ABTB2: variants seen among roughly 807,000 people sequenced by gnomAD.
ABTB2 encodes ankyrin repeat and BTB/POZ domain-containing protein 2.
ABTB2 carries 56 observed loss-of-function variants against 104.1 expected under a neutral mutation model. The ratio of observed to expected loss-of-function variants is 0.54; its 90% CI spans 0.43 to 0.67. The LOEUF is 0.67. ABTB2 is among the 30% of genes least tolerant of loss of function. The probability of loss-of-function intolerance (pLI) is 0.00; values close to 1 mark genes in which losing one functional copy is unlikely to be tolerated. For missense variants in ABTB2, 1,279 were observed against 1,407.7 expected, an observed-to-expected ratio of 0.91 and a Z score of 1.46; for synonymous variants, 606 against 608.2, an observed-to-expected ratio of 1.00 and a Z score of 0.05.
chr11:34,222,954 C>A (rs12420504), intron 1 of ABTB2, among the ~76,000 whole-genome samples: 22,602 of 152,122 alleles, frequency 0.15, 1,831 homozygotes, highest in East Asian at 0.26. Flanking sequence ...CTTCTTGCTG[C>A]CCTGGGCACA....
At chr11:34,209,265 T>C (rs1853446242) in intron 1 of ABTB2, among the ~76,000 whole-genome samples, 3 of 151,832 alleles carry the variant, frequency 2.0e-5, no homozygotes, top group African/African-American at 7.3e-5. Context: ...GGAGAATTAC[T>C]TGAACCTGGT....
intron 1 of ABTB2, among the ~76,000 whole-genome samples, chr11:34,214,664 C>T (rs888416331): frequency 2.6e-5 from 4 of 151,498 alleles, no homozygotes; most frequent in East Asian, 1.9e-4. Context: ...TTCAGCCTCC[C>T]GAAGTGCTGG....
intron 1 of ABTB2, chr11:34,335,416 T>C: frequency 1.3e-6 from 1 of 796,850 alleles, no homozygotes; most frequent in Non-Finnish European, 2.2e-6. Flanking sequence ...AGCACTTCTC[T>C]TTCAGTTTCT....
At chr11:34,282,503 T>C (rs1854458614) in intron 1 of ABTB2, among the ~76,000 whole-genome samples, 1 of 152,166 alleles carries the variant, frequency 6.6e-6, no homozygotes, top group Non-Finnish European at 1.5e-5. Flanking sequence ...GATAGATTGA[T>C]GTAACGTACT....
At chr11:34,254,043 T>A (rs1327760891) in intron 1 of ABTB2, among the ~76,000 whole-genome samples, 1 of 152,190 alleles carries the variant, frequency 6.6e-6, no homozygotes, top group Non-Finnish European at 1.5e-5. Context: ...CACAGCTTAA[T>A]AAGTCATGAC....
At chr11:34,315,103 A>G (rs1590253075) in intron 1 of ABTB2, among the ~76,000 whole-genome samples, 1 of 152,278 alleles carries the variant, frequency 6.6e-6, no homozygotes, top group African/African-American at 2.4e-5. Context: ...AGAGGCCTGC[A>G]CTCGCGCGAG....
chr11:34,210,385 T>C (rs541519329), intron 1 of ABTB2, among the ~76,000 whole-genome samples: 66 of 152,352 alleles, frequency 4.3e-4, no homozygotes, highest in African/African-American at 1.6e-3. Context: ...ACCTTGTTTT[T>C]ACTATTTCCT....
intron 1 of ABTB2, among the ~76,000 whole-genome samples, chr11:34,221,070 T>C (rs992953026): frequency 6.6e-6 from 1 of 152,024 alleles, no homozygotes; most frequent in Non-Finnish European, 1.5e-5. Context: ...CCCGGGTTCA[T>C]GCAATTCGTC....
chr11:34,308,089 G>A (rs1854799998), intron 1 of ABTB2, among the ~76,000 whole-genome samples: 1 of 152,144 alleles, frequency 6.6e-6, no homozygotes, highest in Non-Finnish European at 1.5e-5. Flanking sequence ...CTCTGTGTCT[G>A]GGCCTCCTCA....
chr11:34,212,245 C>A (rs552525515), intron 1 of ABTB2, among the ~76,000 whole-genome samples: 1 of 152,026 alleles, frequency 6.6e-6, no homozygotes, highest in Middle Eastern at 3.2e-3. Context: ...TTAGTAGAGA[C>A]GGGGTTTCGC....
intron 3 of ABTB2, among the ~76,000 whole-genome samples, chr11:34,176,367 T>A (rs1349690910): frequency 6.6e-6 from 1 of 151,330 alleles, no homozygotes; most frequent in East Asian, 1.9e-4. Context: ...TAGCCATGAA[T>A]GCATGTTGTC....
Position 34,357,355 on chromosome 11 carries a change from C to T in ABTB2, c.229G>A (p.Glu77Lys), listed in dbSNP as rs1257083460. ...SWDTVNTVLPEDPEVADLFSR... is the reference protein window; with the variant it reads ...SWDTVNTVLPKDPEVADLFSR... ...AAGAGGTCGGCCACTTCGGGGTCCT[C>T]GGGCAGCACCGTGTTCACCGTGTCC... The change falls in exon 1 of 17, where the codon GAG (glutamate) becomes AAG (lysine). Residue 77 changes from glutamate to lysine, a missense_variant. By Grantham distance (56) the Glu-to-Lys change is moderately conservative. Transcript: ENST00000435224. The T allele has an allele frequency of 6.5e-7, 1 of 1,528,420 alleles. No homozygotes were observed. 94.7% of individuals were successfully genotyped at this position (1,528,420 alleles called of 1,614,324 possible).
chr11:34,283,058 G>A (rs1281339917), intron 1 of ABTB2, among the ~76,000 whole-genome samples: 3 of 149,648 alleles, frequency 2.0e-5, no homozygotes, highest in Non-Finnish European at 3.0e-5. Context: ...ACAGGCGCCC[G>A]CCACCATGCC....
chr11:34,198,117 T>G (rs1017608895), intron 2 of ABTB2, among the ~76,000 whole-genome samples: 17 of 152,170 alleles, frequency 1.1e-4, no homozygotes, highest in Non-Finnish European at 2.2e-4. Flanking sequence ...TATTCCCATT[T>G]TACAGATGAA....
intron 1 of ABTB2, among the ~76,000 whole-genome samples, chr11:34,308,113 G>T (rs1200022373): frequency 7.2e-5 from 11 of 152,152 alleles, no homozygotes; most frequent in Admixed American, 5.9e-4. Context: ...GCAAAACGGG[G>T]ATAACAACAG....
At chr11:34,165,799 C>T (rs1230465166) in intron 7 of ABTB2, among the ~76,000 whole-genome samples, 1 of 152,250 alleles carries the variant, frequency 6.6e-6, no homozygotes, top group African/African-American at 2.4e-5. Flanking sequence ...CGAGCAGGTA[C>T]TTCAACTCCC....
At chr11:34,240,176 C>T (rs1853895645) in intron 1 of ABTB2, among the ~76,000 whole-genome samples, 2 of 152,164 alleles carry the variant, frequency 1.3e-5, no homozygotes, top group Non-Finnish European at 2.9e-5. Context: ...TGTGTGCATT[C>T]CCCCCACTGC....
rs11608011 is a variant in ABTB2 at position 34,174,047 on chromosome 11, G to A, written c.1245-740C>T. On this transcript the variant is annotated intron_variant, in intron 3 of 16. Coordinates refer to ENST00000435224, the MANE Select transcript of ABTB2 (RefSeq NM_145804.3). ...AGTTTGGTGCTCAGAAAAGAGTAGT[G>A]GCCTCGGCCGGGCTCGGTGGCTCAC... Among the ~76,000 whole-genome samples the A allele has an allele frequency of 6.5e-3, 996 of 152,282 alleles. 3 individuals carry two copies. The highest frequency in any genetic ancestry group is 0.014 in the Admixed American group (213 of 15,304).
At chr11:34,274,025 G>A (rs796166395) in intron 1 of ABTB2, among the ~76,000 whole-genome samples, 22 of 150,640 alleles carry the variant, frequency 1.5e-4, no homozygotes, top group African/African-American at 4.4e-4. Context: ...GGTGGCGGGC[G>A]CCTGTAGTCC....
Sources: allele counts gnomAD v4.1 joint callset (sites outside exome capture counted in the v4.1 genomes callset), GRCh38; gene constraint gnomAD v4.1.1; transcripts MANE v1.5; gene names NCBI Gene and HGNC (gene_info 2026-07-23, HGNC 2026-07-21).